PSAT1: variants seen among roughly 807,000 people sequenced by gnomAD.
The protein encoded by PSAT1 is phosphoserine aminotransferase 1.
Under a neutral mutation model 40.3 loss-of-function variants are expected in PSAT1, and 41 were observed. That is an observed-to-expected ratio of 1.02 (90% CI 0.79 to 1.32). The LOEUF (loss-of-function observed/expected upper bound fraction) is 1.32, where lower values mean the gene tolerates loss of function less well. PSAT1 is among the 40% of genes most tolerant of loss of function. The pLI, the probability that PSAT1 is intolerant of heterozygous loss-of-function variation, is 0.00. For missense variants in PSAT1, 406 were observed against 455.8 expected (o/e 0.89, Z 0.99); for synonymous variants, 147 against 170.5 (o/e 0.86, Z 1.07).
chr9:78,312,486 G>A (rs1205196694), intron 6 of PSAT1, among the ~76,000 whole-genome samples: 2 of 151,748 alleles, frequency 1.3e-5, no homozygotes, highest in Non-Finnish European at 2.9e-5. Flanking sequence ...ACCTGAGGTC[G>A]GGAGTTCGAG....
chr9:78,313,362 C>T (rs1192097650), intron 6 of PSAT1, among the ~76,000 whole-genome samples: 1 of 152,112 alleles, frequency 6.6e-6, no homozygotes, highest in Non-Finnish European at 1.5e-5. Context: ...AACTCTGCCT[C>T]AAAAAACAAA....
At chr9:78,319,909 A>G (rs1455883658) in intron 7 of PSAT1, among the ~76,000 whole-genome samples, 1 of 152,086 alleles carries the variant, frequency 6.6e-6, no homozygotes. Flanking sequence ...GGGCGTGTTT[A>G]GTCCACCTAT....
At chr9:78,306,812 A>G (rs1417045997) in intron 5 of PSAT1, among the ~76,000 whole-genome samples, 1 of 152,198 alleles carries the variant, frequency 6.6e-6, no homozygotes, top group Non-Finnish European at 1.5e-5. Flanking sequence ...GATGCAGATT[A>G]TCCCGAGCCC....
chr9:78,303,230 A>T (rs1010435480), intron 3 of PSAT1, among the ~76,000 whole-genome samples: 1 of 152,214 alleles, frequency 6.6e-6, no homozygotes, highest in Non-Finnish European at 1.5e-5. Flanking sequence ...AAAATGATTC[A>T]GATGGGGCAG....
intron 7 of PSAT1, among the ~76,000 whole-genome samples, chr9:78,323,398 C>T (rs1284468423): frequency 1.3e-5 from 2 of 152,018 alleles, no homozygotes; most frequent in Admixed American, 1.3e-4. Context: ...ATAGTGAGAC[C>T]TCGTCTCTAC....
rs1166260098 is a variant in PSAT1, at chr9:78,300,639, A to G, written c.98A>G (p.Lys33Arg). The G allele has an allele frequency of 1.2e-6, 2 of 1,610,478 alleles. No individual in the cohort carries two copies. The highest frequency in any genetic ancestry group is 1.1e-5 in the South Asian group (1 of 90,396). Residue 33 changes from lysine (K) to arginine (R), a missense_variant, in exon 2 of 9, where the codon AAA becomes AGA. By Grantham distance (26) the Lys-to-Arg change is conservative. Coordinates refer to ENST00000376588, the MANE Select transcript of PSAT1 (RefSeq NM_058179.4). ...ATACAAAAGGAATTATTAGACTACA[A>G]AGGAGTTGGCATTAGTGTTCTTGGT... ...LEIQKELLDY[K>R]GVGISVLEMS... is the part of the protein sequence containing the mutation.
At chr9:78,325,792 T>C (rs1828489434) in intron 7 of PSAT1, among the ~76,000 whole-genome samples, 1 of 152,252 alleles carries the variant, frequency 6.6e-6, no homozygotes, top group South Asian at 2.1e-4. Context: ...ATTTGTTGCA[T>C]GACAATTTAG....
Position 78,301,351 on chromosome 9 carries a change from A to G in PSAT1, c.122-603A>G, listed in dbSNP as rs1828105074. 3.3e-5 allele frequency among the ~76,000 whole-genome samples: 5 copies of G among 151,972 alleles called. No homozygotes were observed. In the South Asian group the frequency reaches 1.0e-3, roughly 32 times the overall value. On this transcript the variant is annotated intron_variant, in intron 2 of 8. Coordinates refer to ENST00000376588, the MANE Select transcript of PSAT1 (RefSeq NM_058179.4). ...TATTATACTTAAATACAACCTCATT[A>G]AAGTTTAAAAGTACATAAGCCTTTT...
chr9:78,306,117 C>T (rs764803393), intron 4 of PSAT1, among the ~76,000 whole-genome samples, 197 bp from the exon 5 acceptor site: 8 of 152,290 alleles, frequency 5.3e-5, no homozygotes, highest in South Asian at 4.1e-4. Flanking sequence ...AAGGTTGGAT[C>T]GCTCATCCTC....
At position 78,297,152 on chromosome 9, in the gene PSAT1, C is replaced by A. The variant is rs543248051; in HGVS notation, c.-59C>A. 7.9e-6 allele frequency: 12 copies of A among 1,528,392 alleles called. No individual in the cohort carries two copies. The East Asian group carries it at 2.9e-4, about 36-fold the overall frequency. 94.7% of individuals were successfully genotyped at this position (1,528,392 alleles called of 1,614,324 possible). On this transcript the variant is annotated 5_prime_UTR_variant, in exon 1 of 9. Transcript: ENST00000376588. ...AGACTCTCACCGCAGCGGCCAGGAA[C>A]GCCAGCCGTTCACGCGTTCGGTCCT...
At chr9:78,318,884 C>A (rs1828388357) in intron 7 of PSAT1, among the ~76,000 whole-genome samples, 1 of 152,202 alleles carries the variant, frequency 6.6e-6, no homozygotes, top group Admixed American at 6.5e-5. Flanking sequence ...TGGGAAGCAC[C>A]TAGTGCGGTG....
chr9:78,312,775 C>T (rs1828286638), intron 6 of PSAT1, among the ~76,000 whole-genome samples: 1 of 152,172 alleles, frequency 6.6e-6, no homozygotes, highest in South Asian at 2.1e-4. Context: ...GAAGGCTTCA[C>T]TGGTCCCAGA....
chr9:78,306,596 C>T, intron 5 of PSAT1, 110 bp downstream of exon 5: 1 of 1,383,940 alleles, frequency 7.2e-7, no homozygotes, highest in Non-Finnish European at 1.0e-6. Context: ...CCTGCAGAAC[C>T]CCTGAGCCAG....
At chr9:78,304,353 G>A (rs528338542) in intron 3 of PSAT1, among the ~76,000 whole-genome samples, 3 of 152,270 alleles carry the variant, frequency 2.0e-5, no homozygotes, top group South Asian at 4.1e-4. Context: ...TTTGAGTAAA[G>A]GTCTCAGTAC....
chr9:78,316,872 G>A (rs772627294), intron 6 of PSAT1, among the ~76,000 whole-genome samples: 36 of 152,316 alleles, frequency 2.4e-4, no homozygotes, highest in Admixed American at 1.3e-3. Context: ...GATGAACAGC[G>A]TGGGCTTCTA....
intron 5 of PSAT1, 95 bp from the exon 6 acceptor site, chr9:78,308,319 A>C: frequency 7.1e-7 from 1 of 1,404,200 alleles, no homozygotes. Flanking sequence ...TCATTTCCTT[A>C]AAAAAATTGT....
intron 3 of PSAT1, 85 bp downstream of exon 3, chr9:78,302,108 T>A: frequency 1.0e-6 from 1 of 954,314 alleles, no homozygotes; most frequent in Non-Finnish European, 1.7e-6. Context: ...TACACTCTAT[T>A]GTTTGTTCAG....
chr9:78,325,804 CTT>C (rs1471028807), intron 7 of PSAT1, among the ~76,000 whole-genome samples: 1 of 152,210 alleles, frequency 6.6e-6, no homozygotes, highest in African/African-American at 2.4e-5. Flanking sequence ...ACAATTTAGT[CTT>C]TAATTTCTCA....
chr9:78,324,670 A>G (rs1479096400), intron 7 of PSAT1, among the ~76,000 whole-genome samples: 2 of 152,144 alleles, frequency 1.3e-5, no homozygotes, highest in African/African-American at 2.4e-5. Flanking sequence ...AGATACTTAG[A>G]GATCTGGTTT....
Sources: allele counts gnomAD v4.1 joint callset (sites outside exome capture counted in the v4.1 genomes callset), GRCh38; gene constraint gnomAD v4.1.1; transcripts MANE v1.5; gene names NCBI Gene and HGNC (gene_info 2026-07-23, HGNC 2026-07-21).